Variants in ALDH5A1 observed in about 807,000 individuals in gnomAD.
ALDH5A1 encodes succinate-semialdehyde dehydrogenase, mitochondrial.
Under a neutral mutation model 54.7 loss-of-function variants are expected in ALDH5A1, and 33 were observed. The ratio of observed to expected loss-of-function variants is 0.60; its 90% CI spans 0.46 to 0.81. The LOEUF is 0.81. ALDH5A1 is among the 30% of genes least tolerant of loss of function. The pLI is 0.00. For missense variants in ALDH5A1, 657 were observed against 711.0 expected (o/e 0.92, Z 0.86); for synonymous variants, 294 against 292.7 (o/e 1.00, Z -0.05).
Position 24,504,910 on chromosome 6 carries a change from C to T in ALDH5A1, c.651C>T (p.Ala217=), listed in dbSNP as rs4646837. Residue 217 remains alanine (A), a synonymous_variant, in exon 4 of 10, where the codon GCC becomes GCT. Coordinates refer to ENST00000357578, the MANE Select transcript of ALDH5A1 (RefSeq NM_001080.3). ...CCATGATCACCCGGAAGGTGGGGGC[C>T]GCCCTGGCAGCCGGCTGTACTGTCG... ...PSAMITRKVG[A]ALAAGCTVVV... 86 of 1,614,178 alleles carry T rather than the reference C, an allele frequency of 5.3e-5. 1 individual carries two copies. In the East Asian group the frequency reaches 1.1e-3, roughly 20 times the overall value.
chr6:24,501,594 G>C (rs940259864), intron 1 of ALDH5A1, among the ~76,000 whole-genome samples: 1 of 133,776 alleles, frequency 7.5e-6, no homozygotes, highest in Non-Finnish European at 1.7e-5. Context: ...TGTGGTCCCA[G>C]CTACTCAGTA....
At chr6:24,528,265 A>G in intron 8 of ALDH5A1, 99 bp downstream of exon 8, 1 of 1,421,000 alleles carries the variant, frequency 7.0e-7, no homozygotes. Flanking sequence ...TCTGGCCAGG[A>G]GGCAGACAGT....
chr6:24,534,461 G>C lies in ALDH5A1; in HGVS notation c.*749G>C, dbSNP rs1760002267. ...AGCAAAGAATAGCAGAAGCAGCTTGGTAGGATGGAAGGCACGCAGTGGCAT... is the reference window on the plus strand; with the variant it reads ...AGCAAAGAATAGCAGAAGCAGCTTGCTAGGATGGAAGGCACGCAGTGGCAT... On this transcript the variant is annotated 3_prime_UTR_variant, in exon 10 of 10. Coordinates refer to ENST00000357578, the MANE Select transcript of ALDH5A1 (RefSeq NM_001080.3). The C allele has an allele frequency of 6.6e-6, 1 of 152,558 alleles. No individual in the cohort carries two copies. Among genetic ancestry groups the C allele is most frequent in the South Asian group, 2.1e-4 (1 of 4,832 alleles). The allele number at this position is 152,558 out of a possible 1,614,324, so 9.5% of individuals were successfully genotyped here.
intron 4 of ALDH5A1, among the ~76,000 whole-genome samples, chr6:24,508,048 T>C (rs552932776): frequency 6.6e-6 from 1 of 152,068 alleles, no homozygotes; most frequent in Non-Finnish European, 1.5e-5. Context: ...TAGTTTTCCA[T>C]TCCTGAGTTA....
chr6:24,530,915 C>T (rs1315699797), intron 8 of ALDH5A1, among the ~76,000 whole-genome samples: 2 of 152,258 alleles, frequency 1.3e-5, no homozygotes, highest in Non-Finnish European at 2.9e-5. Flanking sequence ...TGCCCTTGCC[C>T]TGCCCACTCC....
chr6:24,533,579 TC>T lies in ALDH5A1; in HGVS notation c.1476del (p.Asn493ThrfsTer4), dbSNP rs1237131688. The T allele has an allele frequency of 2.5e-6, 4 of 1,614,142 alleles. No individual in the cohort carries two copies. Among genetic ancestry groups the T allele is most frequent in the Non-Finnish European group, 3.4e-6 (4 of 1,180,032 alleles). ...CAGCTGGAAGTGGGCATGGTTGGCG[TC>T]AACGAAGGATTAATTTCCTCTGTGG... Reference protein sequence around the residue: ...AEQLEVGMVGVNEGLISSVEC... With the variant: ...AEQLEVGMVGXNEGLISSVEC... On this transcript the variant is annotated frameshift_variant, in exon 10 of 10. Coordinates refer to ENST00000357578, the MANE Select transcript of ALDH5A1 (RefSeq NM_001080.3). LOFTEE classifies it high-confidence loss of function.
rs573022225 is a variant in ALDH5A1, at chr6:24,499,827, T to A, written c.355-2696T>A. On this transcript the variant is annotated intron_variant, in intron 1 of 9. Transcript: ENST00000357578. Reference sequence around the variant, plus strand: ...GCGCCTGCCACCATGCCCGGGTAATTTTTTTGTATTTTTAGTAGAGACGGG... The same window carrying A: ...GCGCCTGCCACCATGCCCGGGTAATATTTTTGTATTTTTAGTAGAGACGGG... Among the ~76,000 whole-genome samples the A allele has an allele frequency of 3.3e-5, 5 of 151,976 alleles. No individual in the cohort carries two copies. In the South Asian group the frequency reaches 1.0e-3, roughly 32 times the overall value.
chr6:24,528,610 G>A (rs935789519), intron 8 of ALDH5A1, among the ~76,000 whole-genome samples: 10 of 150,036 alleles, frequency 6.7e-5, no homozygotes, highest in South Asian at 2.1e-4. Context: ...GTAGTCCTGC[G>A]TTGGCCTTCC....
At chr6:24,523,922 T>TA (rs541572805) in intron 7 of ALDH5A1, among the ~76,000 whole-genome samples, 6 of 151,654 alleles carry the variant, frequency 4.0e-5, no homozygotes, top group South Asian at 2.1e-4. Flanking sequence ...TCTACTGTTT[T>TA]AAAAAAATCC....
At chr6:24,530,809 C>A (rs927279358) in intron 8 of ALDH5A1, among the ~76,000 whole-genome samples, 1 of 152,224 alleles carries the variant, frequency 6.6e-6, no homozygotes, top group Non-Finnish European at 1.5e-5. Flanking sequence ...AGCCCTGCTG[C>A]TTTTCTACCT....
At position 24,518,200 on chromosome 6, in the gene ALDH5A1, T is replaced by G. The variant is rs1252433461; in HGVS notation, c.871-2201T>G. Among the ~76,000 whole-genome samples, 4 of 151,988 alleles carry G rather than the reference T, an allele frequency of 2.6e-5. No individual in the cohort carries two copies. Among genetic ancestry groups the G allele is most frequent in the Non-Finnish European group, 2.9e-5 (2 of 68,020 alleles). ...TTTCTTTTGCCTATTAAACTTCTGC[T>G]CCTAAACTCAAAAAAAGAAAAAGAA... On this transcript the variant is annotated intron_variant, in intron 5 of 9. Transcript: ENST00000357578. The surrounding 1 kb of genome is among the most constrained non-coding windows in gnomAD (Gnocchi z 4.2).
chr6:24,497,819 G>A (rs1764744079), intron 1 of ALDH5A1, among the ~76,000 whole-genome samples: 1 of 152,140 alleles, frequency 6.6e-6, no homozygotes, highest in Non-Finnish European at 1.5e-5. Flanking sequence ...AGTAAAGAGG[G>A]GGCTGTGTCA....
At position 24,522,859 on chromosome 6, in the gene ALDH5A1, C is replaced by T. The variant is rs148188703; in HGVS notation, c.1107C>T (p.Arg369=). 8.2e-5 allele frequency: 133 copies of T among 1,613,802 alleles called. No homozygotes were observed. In the African/African-American group the frequency reaches 1.4e-3, roughly 17 times the overall value. The stretch of plus-strand genomic sequence containing the variant: ...CCGAGGCCATGAAGAAGAACCTGCG[C>T]GTAGGTAATGGATTTGAGGAAGGAA... ...AFAEAMKKNL[R]VGNGFEEGTT... The change falls in exon 7 of 10, where the codon CGC becomes CGT. Residue 369 remains arginine (R), a synonymous_variant. Coordinates refer to ENST00000357578, the MANE Select transcript of ALDH5A1 (RefSeq NM_001080.3).
intron 1 of ALDH5A1, among the ~76,000 whole-genome samples, chr6:24,498,294 T>C (rs1190491653): frequency 6.6e-6 from 1 of 152,128 alleles, no homozygotes; most frequent in Non-Finnish European, 1.5e-5. Flanking sequence ...GCTAGAAATA[T>C]AAATGTGAAA....
chr6:24,495,299 C>G lies in ALDH5A1; in HGVS notation c.303C>G (p.Ala101=), dbSNP rs764445443. ...GCGGGGTGCGAGAGGCCCGCGCCGC[C>G]GTGCGCGCTGCCTACGAGGCTTTCT... ...ADCGVREARA[A]VRAAYEAFCR... The change falls in exon 1 of 10, where the codon GCC becomes GCG. Residue 101 remains alanine, a synonymous_variant. Coordinates refer to ENST00000357578, the MANE Select transcript of ALDH5A1 (RefSeq NM_001080.3). 2 of 1,533,220 alleles carry G rather than the reference C, an allele frequency of 1.3e-6. No individual in the cohort carries two copies. Among genetic ancestry groups the G allele is most frequent in the South Asian group, 1.2e-5 (1 of 83,948 alleles). The allele number at this position is 1,533,220 out of a possible 1,614,324, so 95.0% of individuals were successfully genotyped here. A position where few individuals can be genotyped will look rare whatever the true frequency, so the allele number is the denominator to read the frequency against.
At chr6:24,530,370 AC>A (rs1401411844) in intron 8 of ALDH5A1, among the ~76,000 whole-genome samples, 3 of 152,246 alleles carry the variant, frequency 2.0e-5, no homozygotes, top group African/African-American at 4.8e-5. Flanking sequence ...TTTAAAAAAA[AC>A]ATTTTTATTC....
rs1759219662 is a variant in ALDH5A1 at position 24,502,545 on chromosome 6, A to G, written c.377A>G (p.Lys126Arg). ...CAGGAGAGGAGTTCATTACTTCGGAAGTGGTACAATTTAATGATACAAAAT... is the reference window on the plus strand; with the variant it reads ...CAGGAGAGGAGTTCATTACTTCGGAGGTGGTACAATTTAATGATACAAAAT... ...SAKERSSLLR[K>R]WYNLMIQNKD... The change falls in exon 2 of 10, where the codon AAG becomes AGG. Residue 126 changes from lysine (K) to arginine (R), a missense_variant. This residue lies in a region of ALDH5A1 where 232 missense variants were observed against 194.6 expected (regional missense o/e 1.19). Coordinates refer to ENST00000357578, the MANE Select transcript of ALDH5A1 (RefSeq NM_001080.3). 6.2e-7 allele frequency: 1 copy of G among 1,613,146 alleles called. No homozygotes were observed. Among genetic ancestry groups the G allele is most frequent in the Non-Finnish European group, 8.5e-7 (1 of 1,179,082 alleles).
rs1759613942 is a variant in ALDH5A1, at chr6:24,518,442, A to G, written c.871-1959A>G. 6.6e-6 allele frequency among the ~76,000 whole-genome samples: 1 copy of G among 152,240 alleles called. No homozygotes were observed. Reference sequence around the variant, plus strand: ...ACAGAGCCAGTGCAGGTGGAGGGACAGACACCAGAGACAGGACCTGTGCTC... The same window carrying G: ...ACAGAGCCAGTGCAGGTGGAGGGACGGACACCAGAGACAGGACCTGTGCTC... On this transcript the variant is annotated intron_variant, in intron 5 of 9. Transcript: ENST00000357578. This position sits in a 1 kb window ranked among gnomAD's most constrained non-coding sequence, Gnocchi z 4.2.
At chr6:24,506,871 A>G (rs1027969389) in intron 4 of ALDH5A1, among the ~76,000 whole-genome samples, 4 of 152,158 alleles carry the variant, frequency 2.6e-5, no homozygotes, top group Admixed American at 1.3e-4. Flanking sequence ...TAATGAATCA[A>G]TAGTGATACG....
Sources: gnomAD v4.1 joint callset for allele counts (sites outside exome capture counted in the v4.1 genomes callset) on GRCh38, gnomAD v4.1.1 for gene constraint, gnomAD v4.1.1 regional missense constraint, Gnocchi (gnomAD v3.1) non-coding constraint, MANE v1.5 for transcripts, NCBI Gene and HGNC (gene_info 2026-07-23, HGNC 2026-07-21) for gene names.